The following SLC34A2 variants were observed in gnomAD, a reference collection of about 807,000 sequenced individuals.
SLC34A2 encodes sodium-dependent phosphate transport protein 2B.
A neutral mutation model predicts 50.8 loss-of-function variants in SLC34A2; 41 were observed. The observed-to-expected ratio is 0.81, with a 90% CI of 0.63 to 1.05. The LOEUF (loss-of-function observed/expected upper bound fraction) is 1.05. Among genes scored for constraint, SLC34A2 ranks in the 50% least tolerant of loss-of-function variants. The probability of loss-of-function intolerance (pLI) is 0.00; values close to 1 mark genes in which losing one functional copy is unlikely to be tolerated. For synonymous variants in SLC34A2, 401 were observed against 364.2 expected, an observed-to-expected ratio of 1.10 and a Z score of -1.15; for missense variants, 879 against 876.7, an observed-to-expected ratio of 1.00 and a Z score of -0.03.
rs970797214 is a variant in SLC34A2, at chr4:25,662,799, C to G, written c.207C>G (p.Pro69=). 5.0e-6 allele frequency: 8 copies of G among 1,613,946 alleles called. No homozygotes were observed. In the Admixed American group the frequency reaches 5.0e-5, roughly 10 times the overall value. ...LIDEPTEVDD[P]WNLPTLQDSG... ...ATGAGCCCACTGAGGTGGATGACCC[C>G]TGGAACCTACCCACTCTTCAGGACT... Residue 69 remains proline, a synonymous_variant, in exon 3 of 13, where the codon CCC becomes CCG. Transcript: ENST00000382051.
chr4:25,663,521 A>C (rs1714323533), intron 3 of SLC34A2, among the ~76,000 whole-genome samples: 1 of 152,236 alleles, frequency 6.6e-6, no homozygotes, highest in South Asian at 2.1e-4. Context: ...ATATGCAGCC[A>C]GACAGCTGGA....
At chr4:25,662,978 T>C (rs1399728980) in intron 3 of SLC34A2, 136 bp downstream of exon 3, 1 of 1,030,418 alleles carries the variant, frequency 9.7e-7, no homozygotes, top group Non-Finnish European at 1.4e-6. Context: ...TGTCACCCTC[T>C]CATCTTTTTT....
At chr4:25,658,617 G>A (rs186421905) in intron 1 of SLC34A2, among the ~76,000 whole-genome samples, 103 of 152,332 alleles carry the variant, frequency 6.8e-4, no homozygotes, top group African/African-American at 2.3e-3. Flanking sequence ...CCCATGTGGT[G>A]CAGGAAGTGG....
Position 25,673,224 on chromosome 4 carries a change from G to A in SLC34A2, c.1186G>A (p.Ala396Thr), listed in dbSNP as rs560657112. 13 of 1,613,930 alleles carry A rather than the reference G, an allele frequency of 8.1e-6. No individual in the cohort carries two copies. The highest frequency in any genetic ancestry group is 4.4e-5 in the South Asian group (4 of 91,068). Residue 396 changes from alanine (A) to threonine (T), a missense_variant, in exon 10 of 13, where the codon GCC (alanine) becomes ACC (threonine). By Grantham distance (58) the Ala-to-Thr change is moderately conservative. Coordinates refer to ENST00000382051, the MANE Select transcript of SLC34A2 (RefSeq NM_006424.3). ...ILGSVLKGQV[A>T]TVIKKTINTD... Reference sequence around the variant, plus strand: ...GGGCTCTGTGCTCAAGGGGCAGGTCGCCACTGTCATCAAGAAGACCATCAA... The same window carrying A: ...GGGCTCTGTGCTCAAGGGGCAGGTCACCACTGTCATCAAGAAGACCATCAA...
At position 25,674,647 on chromosome 4, in the gene SLC34A2, G is replaced by C; in HGVS notation, c.1458+18G>C. On this transcript the variant is annotated intron_variant, in intron 12 of 12. Transcript: ENST00000382051. ...CACTCCAGGTCAGGACTTGGGGCACGGGGACAGGGGCCCTGGGAGTGGGAC... is the reference window on the plus strand; with the variant it reads ...CACTCCAGGTCAGGACTTGGGGCACCGGGACAGGGGCCCTGGGAGTGGGAC... 5 of 1,613,942 alleles carry C rather than the reference G, an allele frequency of 3.1e-6. No homozygotes were observed. The highest frequency in any genetic ancestry group is 3.4e-6 in the Non-Finnish European group (4 of 1,179,808).
Position 25,673,137 on chromosome 4 carries a change from A to G in SLC34A2, c.1099A>G (p.Ile367Val), listed in dbSNP as rs768442620. 13 of 1,614,086 alleles carry G rather than the reference A, an allele frequency of 8.1e-6. No individual in the cohort carries two copies. The highest frequency in any genetic ancestry group is 3.3e-4 in the Middle Eastern group (2 of 6,060). Reference protein sequence around the residue: ...FHLPDLAVGTILLILSLLVLC... With the variant: ...FHLPDLAVGTVLLILSLLVLC... ...CCTCCCGGATCTTGCTGTGGGCACC[A>G]TCTTGCTCATACTCTCCCTGCTGGT... The change falls in exon 10 of 13, where the codon ATC becomes GTC. Residue 367 changes from isoleucine to valine, a missense_variant. By Grantham distance (29) the Ile-to-Val change is conservative. Transcript: ENST00000382051.
chr4:25,674,647 G>A lies in SLC34A2; in HGVS notation c.1458+18G>A, dbSNP rs560429477. 1.2e-5 allele frequency: 20 copies of A among 1,613,824 alleles called. No homozygotes were observed. The highest frequency in any genetic ancestry group is 4.0e-5 in the African/African-American group (3 of 74,938). On this transcript the variant is annotated intron_variant, in intron 12 of 12. Coordinates refer to ENST00000382051, the MANE Select transcript of SLC34A2 (RefSeq NM_006424.3). ...CACTCCAGGTCAGGACTTGGGGCAC[G>A]GGGACAGGGGCCCTGGGAGTGGGAC...
intron 1 of SLC34A2, among the ~76,000 whole-genome samples, chr4:25,657,454 T>C (rs761402860): frequency 1.3e-5 from 2 of 152,032 alleles, no homozygotes; most frequent in Non-Finnish European, 2.9e-5. Flanking sequence ...AAGAGGGCTA[T>C]AAAAAGATTG....
Position 25,670,721 on chromosome 4 carries a change from G to T in SLC34A2, c.832-17G>T. Reference sequence around the variant, plus strand: ...TCTGAGGATATGCTGATGGTTTCCTGTCTACTGTTTCCACAGCTGGATAAA... The same window carrying T: ...TCTGAGGATATGCTGATGGTTTCCTTTCTACTGTTTCCACAGCTGGATAAA... On this transcript the variant is annotated splice_polypyrimidine_tract_variant and intron_variant, in intron 7 of 12. Transcript: ENST00000382051. 6.2e-7 allele frequency: 1 copy of T among 1,604,976 alleles called. No homozygotes were observed. The highest frequency in any genetic ancestry group is 8.5e-7 in the Non-Finnish European group (1 of 1,172,314).
intron 4 of SLC34A2, chr4:25,664,900 T>G (rs1714407824): frequency 4.3e-6 from 1 of 233,600 alleles, no homozygotes; most frequent in Non-Finnish European, 8.4e-6. Flanking sequence ...CTCCGTCTAC[T>G]GGGTGCAGGC....
At chr4:25,671,815 C>G in intron 9 of SLC34A2, 94 bp downstream of exon 9, 2 of 1,558,904 alleles carry the variant, frequency 1.3e-6, no homozygotes, top group East Asian at 4.5e-5. Flanking sequence ...AAGGAAAGGA[C>G]AGTAGGAGTC....
chr4:25,669,171 A>G (rs1177005459), intron 6 of SLC34A2, among the ~76,000 whole-genome samples: 1 of 152,136 alleles, frequency 6.6e-6, no homozygotes, highest in Non-Finnish European at 1.5e-5. Flanking sequence ...CCTTTCTGGG[A>G]AACATGTGAT....
chr4:25,667,816 G>C (rs1428071533), intron 5 of SLC34A2, 64 bp from the exon 6 acceptor site: 1 of 1,040,358 alleles, frequency 9.6e-7, no homozygotes, highest in Middle Eastern at 2.0e-4. Flanking sequence ...ACCAGCATAG[G>C]TAACTTTAGC....
chr4:25,675,676 C>T (rs1464745518), intron 12 of SLC34A2, among the ~76,000 whole-genome samples: 2 of 152,200 alleles, frequency 1.3e-5, no homozygotes, highest in Admixed American at 1.3e-4. Context: ...GTGTGTATTT[C>T]ATACTTAAAG....
In SLC34A2 at chr4:25,671,722, G is replaced by A. The variant is rs1714826792; in HGVS notation, c.1048+1G>A. ...ACCTACAAGGAGAACATCGCCAAAT[G>A]TGAGTGGAGCTCAGTGGATTGGCCA... On this transcript the variant is annotated splice_donor_variant, in intron 9 of 12. Transcript: ENST00000382051. LOFTEE classifies it high-confidence loss of function. 1.2e-6 allele frequency: 2 copies of A among 1,614,242 alleles called. No individual in the cohort carries two copies. Among genetic ancestry groups the A allele is most frequent in the East Asian group, 4.5e-5 (2 of 44,874 alleles).
intron 7 of SLC34A2, among the ~76,000 whole-genome samples, chr4:25,670,196 C>T (rs1714741602): frequency 6.6e-6 from 1 of 152,202 alleles, no homozygotes; most frequent in Non-Finnish European, 1.5e-5. Context: ...TGCACTCCAG[C>T]CTGGGTGACA....
At position 25,675,994 on chromosome 4, in the gene SLC34A2, G is replaced by A. The variant is rs1038843518; in HGVS notation, c.1459-141G>A. 7 of 1,358,660 alleles carry A rather than the reference G, an allele frequency of 5.2e-6. No individual in the cohort carries two copies. In the African/African-American group the frequency reaches 1.0e-4, roughly 20 times the overall value. 84.2% of individuals were successfully genotyped at this position (1,358,660 alleles called of 1,614,324 possible). ...ATGGAATCCAGGTACCCTCTGGGCT[G>A]AGCCATAAGGACAAAGAAGGCCTGG... On this transcript the variant is annotated intron_variant, in intron 12 of 12. Coordinates refer to ENST00000382051, the MANE Select transcript of SLC34A2 (RefSeq NM_006424.3).
At chr4:25,668,658 T>C (rs900309214) in intron 6 of SLC34A2, among the ~76,000 whole-genome samples, 1 of 144,804 alleles carries the variant, frequency 6.9e-6, no homozygotes, top group African/African-American at 2.6e-5. Context: ...AAAAAAAAAA[T>C]AAATAAATAC....
chr4:25,671,898 G>C (rs937478181), intron 9 of SLC34A2, among the ~76,000 whole-genome samples, 177 bp downstream of exon 9: 1 of 152,196 alleles, frequency 6.6e-6, no homozygotes, highest in African/African-American at 2.4e-5. Context: ...CTTAGGAACT[G>C]AGGTGACAGG....
Sources: gnomAD v4.1 joint callset for allele counts (sites outside exome capture counted in the v4.1 genomes callset) on GRCh38, gnomAD v4.1.1 for gene constraint, MANE v1.5 for transcripts, NCBI Gene and HGNC (gene_info 2026-07-23, HGNC 2026-07-21) for gene names.